CPQ: variants seen among roughly 807,000 people sequenced by gnomAD.
CPQ encodes Ser-Met dipeptidase.
Under a neutral mutation model 45.7 loss-of-function variants are expected in CPQ, and 37 were observed. The ratio of observed to expected loss-of-function variants is 0.81; its 90% CI spans 0.62 to 1.07. The LOEUF (loss-of-function observed/expected upper bound fraction) is 1.07, where lower values mean the gene tolerates loss of function less well. CPQ is among the 50% of genes least tolerant of loss of function. The probability of loss-of-function intolerance (pLI) is 0.00; values close to 1 mark genes in which losing one functional copy is unlikely to be tolerated. For missense variants in CPQ, 537 were observed against 572.9 expected (o/e 0.94, Z 0.64); for synonymous variants, 186 against 205.8 (o/e 0.90, Z 0.82).
In CPQ at chr8:97,143,077, A is replaced by G. The variant is rs1256671398; in HGVS notation, c.1313A>G (p.Asp438Gly). The G allele has an allele frequency of 1.7e-5, 28 of 1,613,766 alleles. No homozygotes were observed. The highest frequency in any genetic ancestry group is 1.9e-5 in the Non-Finnish European group (22 of 1,179,814). ...KYFFFHHSHGDTMTVMDPKQM... is the reference protein window; with the variant it reads ...KYFFFHHSHGGTMTVMDPKQM... Reference sequence around the variant, plus strand: ...TTCTTCTTCCATCACTCCCACGGAGACACCATGACTGTCATGGATCCAAAG... The same window carrying G: ...TTCTTCTTCCATCACTCCCACGGAGGCACCATGACTGTCATGGATCCAAAG... Residue 438 changes from aspartate (D) to glycine (G), a missense_variant, in exon 8 of 8, where the codon GAC becomes GGC. Physicochemically the swap from Asp to Gly is moderately conservative, Grantham distance 94 (BLOSUM62 -1). Coordinates refer to ENST00000220763, the MANE Select transcript of CPQ (RefSeq NM_016134.4).
intron 1 of CPQ, among the ~76,000 whole-genome samples, chr8:96,706,797 G>A (rs753055912): frequency 4.6e-5 from 7 of 152,024 alleles, no homozygotes; most frequent in Admixed American, 1.3e-4. Flanking sequence ...CATTACTTAC[G>A]TCTTTCCACA....
chr8:96,964,872 G>T (rs1813528689), intron 4 of CPQ, among the ~76,000 whole-genome samples: 1 of 151,934 alleles, frequency 6.6e-6, no homozygotes, highest in Non-Finnish European at 1.5e-5. Flanking sequence ...GTTTTATAAT[G>T]ATCAAGATAC....
intron 2 of CPQ, among the ~76,000 whole-genome samples, chr8:96,822,405 T>C (rs10955086): frequency 0.57 from 86,367 of 151,848 alleles, 25,955 homozygotes; most frequent in East Asian, 0.88. Context: ...TTCATATTCT[T>C]TGGATATGTG....
Position 96,718,590 on chromosome 8 carries a change from G to A in CPQ, c.-34-66274G>A, listed in dbSNP as rs1031016565. Among the ~76,000 whole-genome samples, 20 of 152,256 alleles carry A rather than the reference G, an allele frequency of 1.3e-4. No homozygotes were observed. In the East Asian group the frequency reaches 1.4e-3, roughly 10 times the overall value. On this transcript the variant is annotated intron_variant, in intron 1 of 7. Transcript: ENST00000220763. ...AGTGGCAAGATTTATTGCAAAGAGCGAAAGAACAAAGCTTCCACAGCGTGG... is the reference window on the plus strand; with the variant it reads ...AGTGGCAAGATTTATTGCAAAGAGCAAAAGAACAAAGCTTCCACAGCGTGG...
intron 1 of CPQ, among the ~76,000 whole-genome samples, chr8:96,720,294 A>C (rs1386371040): frequency 6.6e-6 from 1 of 152,188 alleles, no homozygotes; most frequent in Non-Finnish European, 1.5e-5. Flanking sequence ...ACTGTGGATC[A>C]CGTGTTCCTT....
At chr8:96,852,371 G>A (rs1811781915) in intron 3 of CPQ, among the ~76,000 whole-genome samples, 1 of 152,292 alleles carries the variant, frequency 6.6e-6, no homozygotes, top group Middle Eastern at 3.4e-3. Context: ...GAGAGTGAAG[G>A]TAGTTTGTAC....
intron 4 of CPQ, among the ~76,000 whole-genome samples, chr8:96,895,032 A>G (rs1297886104): frequency 6.6e-6 from 1 of 152,202 alleles, no homozygotes; most frequent in Non-Finnish European, 1.5e-5. Flanking sequence ...TTGACTGACT[A>G]TTTATTGAGT....
intron 2 of CPQ, among the ~76,000 whole-genome samples, chr8:96,828,050 G>A (rs1811401354): frequency 6.6e-6 from 1 of 151,962 alleles, no homozygotes; most frequent in Non-Finnish European, 1.5e-5. Flanking sequence ...CACAGTTTGG[G>A]CACTATGCTT....
intron 3 of CPQ, among the ~76,000 whole-genome samples, chr8:96,849,684 C>T (rs1229028943): frequency 6.6e-6 from 1 of 152,166 alleles, no homozygotes. Flanking sequence ...TGCAGCCCTT[C>T]TAGTGAGACA....
In CPQ at chr8:96,787,525, CTTTTTTTTTTTTTTTT is replaced by C. The variant is rs71267281; in HGVS notation, c.433+2210_433+2225del. Among the ~76,000 whole-genome samples the C allele has an allele frequency of 3.1e-3, 146 of 47,604 alleles. 2 individuals are homozygous for C. Among genetic ancestry groups the C allele is most frequent in the Admixed American group, 9.8e-3 (28 of 2,862 alleles). The allele number at this position is 47,604 out of a possible 152,430, so 31.2% of individuals were successfully genotyped here. On this transcript the variant is annotated intron_variant, in intron 2 of 7. Coordinates refer to ENST00000220763, the MANE Select transcript of CPQ (RefSeq NM_016134.4). Reference sequence around the variant, plus strand: ...TTGTAGTTTCATTTTCTTATAATGTCTTTTTTTTTTTTTTTTTTTTTTTTTTTTTTGTATCAGAGTA... The same window carrying C: ...TTGTAGTTTCATTTTCTTATAATGTCTTTTTTTTTTTTTTGTATCAGAGTA...
intron 5 of CPQ, among the ~76,000 whole-genome samples, chr8:96,981,486 T>C (rs1813894937): frequency 6.6e-6 from 1 of 152,172 alleles, no homozygotes; most frequent in Non-Finnish European, 1.5e-5. Flanking sequence ...AATAAAGAAA[T>C]ATTTTATGAA....
intron 1 of CPQ, among the ~76,000 whole-genome samples, chr8:96,750,261 G>A (rs895663508): frequency 1.3e-5 from 2 of 151,326 alleles, no homozygotes; most frequent in Non-Finnish European, 3.0e-5. Flanking sequence ...AAATTATAAA[G>A]AAATAATTTT....
intron 2 of CPQ, among the ~76,000 whole-genome samples, chr8:96,802,836 T>C (rs1811023979): frequency 6.6e-6 from 1 of 152,222 alleles, no homozygotes; most frequent in Non-Finnish European, 1.5e-5. Context: ...TAACCCTTGT[T>C]AGTTGGCACT....
intron 1 of CPQ, among the ~76,000 whole-genome samples, chr8:96,717,195 C>A (rs896660805): frequency 6.6e-6 from 1 of 150,552 alleles, no homozygotes; most frequent in African/African-American, 2.4e-5. Flanking sequence ...CATGTGTGTG[C>A]ATGTATCTTT....
intron 7 of CPQ, among the ~76,000 whole-genome samples, chr8:97,071,060 CAAG>C (rs1563572402): frequency 9.2e-5 from 14 of 152,142 alleles, no homozygotes; most frequent in Non-Finnish European, 1.5e-5. Context: ...CTATATCTGC[CAAG>C]AAGAGTTTAC....
intron 7 of CPQ, among the ~76,000 whole-genome samples, chr8:97,128,536 TTAGCCAGGTGTGG>T (rs2130618945): frequency 6.6e-6 from 1 of 152,142 alleles, no homozygotes; most frequent in Admixed American, 6.5e-5. Flanking sequence ...AATACAAAAA[TTAGCCAGGTGTGG>T]TAGCAGGCAC....
At chr8:96,803,254 C>T (rs989660695) in intron 2 of CPQ, among the ~76,000 whole-genome samples, 1 of 152,188 alleles carries the variant, frequency 6.6e-6, no homozygotes, top group Non-Finnish European at 1.5e-5. Flanking sequence ...CTGCTCTATT[C>T]AGCCTCTTAA....
At chr8:96,704,831 C>T (rs113223260) in intron 1 of CPQ, among the ~76,000 whole-genome samples, 3,658 of 152,176 alleles carry the variant, frequency 0.024, 163 homozygotes, top group African/African-American at 0.083. Flanking sequence ...GGTGTTCAGT[C>T]TGGGAAATCT....
chr8:96,784,641 A>G (rs1810736049), intron 1 of CPQ, among the ~76,000 whole-genome samples: 6 of 152,114 alleles, frequency 3.9e-5, no homozygotes, highest in Admixed American at 3.9e-4. Flanking sequence ...CATATTTTAA[A>G]CAGGATTAAT....
Sources: gnomAD v4.1 joint callset for allele counts (sites outside exome capture counted in the v4.1 genomes callset) on GRCh38, gnomAD v4.1.1 for gene constraint, MANE v1.5 for transcripts, NCBI Gene and HGNC (gene_info 2026-07-23, HGNC 2026-07-21) for gene names.